UNC5CL: variants seen among roughly 807,000 people sequenced by gnomAD.
UNC5CL encodes unc-5 family C-terminal like.
In UNC5CL, 42 loss-of-function variants were observed where a neutral mutation model predicts 54.1. The ratio of observed to expected loss-of-function variants is 0.78; its 90% CI spans 0.61 to 1.00. The LOEUF (loss-of-function observed/expected upper bound fraction) is 1.00. Ranked by LOEUF, UNC5CL falls within the 50% of genes least tolerant of loss-of-function variation. The pLI is 0.00. For synonymous variants in UNC5CL, 285 were observed against 285.1 expected, an observed-to-expected ratio of 1.00 and a Z score of 0.00; for missense variants, 619 against 675.6, an observed-to-expected ratio of 0.92 and a Z score of 0.93.
At chr6:41,036,095 T>C (rs1233156415) in intron 1 of UNC5CL, among the ~76,000 whole-genome samples, 1 of 152,224 alleles carries the variant, frequency 6.6e-6, no homozygotes, top group East Asian at 1.9e-4. Context: ...TCTGGAGCAG[T>C]GGTGTACAAT....
intron 6 of UNC5CL, 39 bp downstream of exon 6, chr6:41,031,642 C>T (rs1762453379): frequency 6.2e-7 from 1 of 1,606,250 alleles, no homozygotes; most frequent in East Asian, 2.2e-5. Flanking sequence ...GGATTTCCCC[C>T]AGGCCCTGCC....
Position 41,028,049 on chromosome 6 carries a change from A to G in UNC5CL, c.*324T>C, listed in dbSNP as rs1762408080. The G allele has an allele frequency of 3.0e-6, 1 of 330,198 alleles. No homozygotes were observed. Among genetic ancestry groups the G allele is most frequent in the South Asian group, 5.7e-5 (1 of 17,582 alleles). The allele number at this position is 330,198 out of a possible 1,614,324, so 20.5% of individuals were successfully genotyped here. On this transcript the variant is annotated 3_prime_UTR_variant, in exon 9 of 9. Transcript: ENST00000244565. The surrounding 1 kb of genome is among the most constrained non-coding windows in gnomAD (Gnocchi z 4.3). The stretch of plus-strand genomic sequence containing the variant: ...CGGTCTTCCTAAGTGCTCAGTGAAT[A>G]CTTTAGGGCCTGACCGGCCCTAAAG...
At chr6:41,030,620 C>T (rs771066657) in intron 7 of UNC5CL, 35 bp downstream of exon 7, 29 of 1,612,414 alleles carry the variant, frequency 1.8e-5, no homozygotes, top group Non-Finnish European at 2.5e-5. Flanking sequence ...AACCCAACAT[C>T]CCCCAGGCAG....
Position 41,032,990 on chromosome 6 carries a change from C to G in UNC5CL, c.843G>C (p.Leu281=), listed in dbSNP as rs1385918642. ...NNTPCALQWA[L]TNEQPHGGRL... is the part of the protein sequence containing the mutation. ...GCCCACCATGGGGCTGCTCGTTGGT[C>G]AGTGCCCACTGCAGGGCGCAGGGCG... Residue 281 remains leucine (L), a synonymous_variant, in exon 4 of 9, where the codon CTG becomes CTC. Coordinates refer to ENST00000244565, the MANE Select transcript of UNC5CL (RefSeq NM_173561.3). 6.2e-7 allele frequency: 1 copy of G among 1,604,820 alleles called. No homozygotes were observed. Among genetic ancestry groups the G allele is most frequent in the Non-Finnish European group, 8.5e-7 (1 of 1,175,736 alleles).
chr6:41,034,579 T>C (rs1762496238), intron 2 of UNC5CL, 111 bp downstream of exon 2: 4 of 1,360,112 alleles, frequency 2.9e-6, no homozygotes, highest in African/African-American at 1.4e-5. Context: ...ACTCAAAATA[T>C]AAACAATTAT....
At position 41,028,075 on chromosome 6, in the gene UNC5CL, T is replaced by C. The variant is rs576495383; in HGVS notation, c.*298A>G. On this transcript the variant is annotated 3_prime_UTR_variant, in exon 9 of 9. Transcript: ENST00000244565. This position sits in a 1 kb window ranked among gnomAD's most constrained non-coding sequence, Gnocchi z 4.3. ...CTTTAGGGCCTGACCGGCCCTAAAG[T>C]GCACGCGGGGACCGTGGCCGTCCCC... 30 of 445,710 alleles carry C rather than the reference T, an allele frequency of 6.7e-5. No homozygotes were observed. In the East Asian group the frequency reaches 9.9e-4, roughly 15 times the overall value. 27.6% of individuals were successfully genotyped at this position (445,710 alleles called of 1,614,324 possible).
chr6:41,035,713 G>A (rs577385469), intron 1 of UNC5CL, among the ~76,000 whole-genome samples: 5 of 152,262 alleles, frequency 3.3e-5, no homozygotes, highest in South Asian at 2.1e-4. Context: ...TGGTAGCTTC[G>A]GGTCACTGCC....
chr6:41,034,186 C>A lies in UNC5CL; in HGVS notation c.386-5G>T. 1 of 1,599,072 alleles carries A rather than the reference C, an allele frequency of 6.3e-7. No individual in the cohort carries two copies. The highest frequency in any genetic ancestry group is 8.5e-7 in the Non-Finnish European group (1 of 1,171,962). On this transcript the variant is annotated splice_polypyrimidine_tract_variant and splice_region_variant and intron_variant, in intron 2 of 8. Transcript: ENST00000244565. The stretch of plus-strand genomic sequence containing the variant: ...GGCGGCCCACAGCCACAGCACCTGG[C>A]AGGGAGAGGGAGAGCTGAGATGGGC...
Position 41,033,923 on chromosome 6 carries a change from T to A in UNC5CL, c.644A>T (p.His215Leu), listed in dbSNP as rs1170475794. 6.2e-7 allele frequency: 1 copy of A among 1,613,702 alleles called. No homozygotes were observed. Reference protein sequence around the residue: ...VWRPLGRPGAHASRDECRIHL... With the variant: ...VWRPLGRPGALASRDECRIHL... ...GATGCGACACTCATCCCGGGAGGCG[T>A]GGGCCCCCGGCCGCCCCAGGGGCCT... is the stretch of plus-strand genomic sequence containing the variant. The change falls in exon 3 of 9, where the codon CAC (histidine) becomes CTC (leucine). Residue 215 changes from histidine to leucine, a missense_variant. Physicochemically the swap from His to Leu is moderately conservative, Grantham distance 99 (BLOSUM62 -3). Transcript: ENST00000244565.
chr6:41,030,550 A>C (rs1223013198), intron 7 of UNC5CL, 49 bp from the exon 8 acceptor site: 1 of 1,610,278 alleles, frequency 6.2e-7, no homozygotes, highest in East Asian at 2.2e-5. Flanking sequence ...AAACAGACCC[A>C]CTCTGGTTCT....
intron 2 of UNC5CL, 48 bp downstream of exon 2, chr6:41,034,642 G>A (rs1381713718): frequency 6.4e-7 from 1 of 1,574,708 alleles, no homozygotes; most frequent in African/African-American, 1.3e-5. Context: ...GTGACCTAAT[G>A]TACAGTCTGA....
chr6:41,034,911 TGG>T lies in UNC5CL; in HGVS notation c.162_163del (p.Gln55AlafsTer8). On this transcript the variant is annotated frameshift_variant, in exon 2 of 9. Coordinates refer to ENST00000244565, the MANE Select transcript of UNC5CL (RefSeq NM_173561.3). LOFTEE classifies it high-confidence loss of function. Reference sequence around the variant, plus strand: ...CTCATTTTCTAGTTGGGGGGTAGGCTGGGACACTGGTTCCTCTTGACCATTCA... The same window carrying T: ...CTCATTTTCTAGTTGGGGGGTAGGCTGACACTGGTTCCTCTTGACCATTCA... 6.2e-7 allele frequency: 1 copy of T among 1,614,200 alleles called. No individual in the cohort carries two copies. The highest frequency in any genetic ancestry group is 8.5e-7 in the Non-Finnish European group (1 of 1,180,042).
At chr6:41,030,886 T>C in intron 6 of UNC5CL, 131 bp from the exon 7 acceptor site, 1 of 766,304 alleles carries the variant, frequency 1.3e-6, no homozygotes, top group South Asian at 1.7e-5. Flanking sequence ...TACCAGGAGA[T>C]ACAACCCTGC....
Position 41,031,664 on chromosome 6 carries a change from C to G in UNC5CL, c.1119+17G>C. ...CCCCAGGCCCTGCCCTTCCTCTGCC[C>G]CTCAGCTCCAACTCACATCCTGGAA... On this transcript the variant is annotated intron_variant, in intron 6 of 8. Coordinates refer to ENST00000244565, the MANE Select transcript of UNC5CL (RefSeq NM_173561.3). 6.2e-7 allele frequency: 1 copy of G among 1,614,000 alleles called. No homozygotes were observed. Among genetic ancestry groups the G allele is most frequent in the Non-Finnish European group, 8.5e-7 (1 of 1,179,912 alleles).
rs533058060 is a variant in UNC5CL at position 41,030,427 on chromosome 6, C to A, written c.1295G>T (p.Arg432Ile). 1.2e-6 allele frequency: 2 copies of A among 1,614,188 alleles called. No homozygotes were observed. Among genetic ancestry groups the A allele is most frequent in the African/African-American group, 1.3e-5 (1 of 75,060 alleles). The change falls in exon 8 of 9, where the codon AGA becomes ATA. Residue 432 changes from arginine (R) to isoleucine (I), a missense_variant. By Grantham distance (97) the Arg-to-Ile change is moderately conservative. Transcript: ENST00000244565. ...GCAAAGCCCCAGGTGGGAGGCCAGT[C>A]TGCGCCAGTCATTGCCGGTGATGCT... ...PNSITGNDWRRLASHLGLCGM... is the reference protein window; with the variant it reads ...PNSITGNDWRILASHLGLCGM...
At position 41,030,374 on chromosome 6, in the gene UNC5CL, A is replaced by G; in HGVS notation, c.1334+14T>C. 1.2e-6 allele frequency: 2 copies of G among 1,613,078 alleles called. No individual in the cohort carries two copies. The highest frequency in any genetic ancestry group is 2.2e-5 in the East Asian group (1 of 44,872). ...CCCTCCTCTACCATCCACAGACCTC[A>G]CCCCTCTTCCTACCGGATCTTCATG... is the stretch of plus-strand genomic sequence containing the variant. On this transcript the variant is annotated intron_variant, in intron 8 of 8. Coordinates refer to ENST00000244565, the MANE Select transcript of UNC5CL (RefSeq NM_173561.3).
chr6:41,031,530 C>A, intron 6 of UNC5CL, 151 bp downstream of exon 6: 2 of 735,888 alleles, frequency 2.7e-6, no homozygotes, highest in South Asian at 1.6e-5. Flanking sequence ...TGATCTCAGC[C>A]CCTCAAAGAG....
Position 41,027,129 on chromosome 6 carries a change from G to A in UNC5CL, c.*1244C>T, listed in dbSNP as rs1762396754. 1 of 152,202 alleles carries A rather than the reference G, an allele frequency of 6.6e-6. No homozygotes were observed. The highest frequency in any genetic ancestry group is 1.5e-5 in the Non-Finnish European group (1 of 68,040). The allele number at this position is 152,202 out of a possible 1,614,324, so 9.4% of individuals were successfully genotyped here. A position where few individuals can be genotyped will look rare whatever the true frequency, so the allele number is the denominator to read the frequency against. On this transcript the variant is annotated 3_prime_UTR_variant, in exon 9 of 9. Coordinates refer to ENST00000244565, the MANE Select transcript of UNC5CL (RefSeq NM_173561.3). ...AGTAGGTGCTGAATAAGTATCTGCTGACTGAATGGGGTGCCTCTTTTATCC... is the reference window on the plus strand; with the variant it reads ...AGTAGGTGCTGAATAAGTATCTGCTAACTGAATGGGGTGCCTCTTTTATCC...
At chr6:41,032,595 C>T (rs887164790) in intron 4 of UNC5CL, among the ~76,000 whole-genome samples, 2 of 152,082 alleles carry the variant, frequency 1.3e-5, no homozygotes, top group African/African-American at 4.8e-5. Flanking sequence ...CCCGTCTCTA[C>T]CAAAAATACA....
Sources: gnomAD v4.1 joint callset for allele counts (sites outside exome capture counted in the v4.1 genomes callset) on GRCh38, gnomAD v4.1.1 for gene constraint, Gnocchi (gnomAD v3.1) non-coding constraint, MANE v1.5 for transcripts, NCBI Gene and HGNC (gene_info 2026-07-23, HGNC 2026-07-21) for gene names.